DST: variants seen among roughly 807,000 people sequenced by gnomAD.
DST encodes dystonin, also known as bullous pemphigoid antigen.
DST carries 253 observed loss-of-function variants against 875.2 expected under a neutral mutation model. The ratio of observed to expected loss-of-function variants is 0.29; its 90% CI spans 0.26 to 0.32. The LOEUF is 0.32. DST is among the 10% of genes least tolerant of loss of function. The pLI is 1.00. For missense variants in DST, 8,287 were observed against 9,111.6 expected (o/e 0.91, Z 3.68); for synonymous variants, 3,124 against 3,197.1 (o/e 0.98, Z 0.77).
intron 60 of DST, among the ~76,000 whole-genome samples, chr6:56,554,228 G>A (rs2152557701): frequency 6.6e-6 from 1 of 151,606 alleles, no homozygotes; most frequent in South Asian, 2.1e-4. Flanking sequence ...GGGACTACAG[G>A]CACCCGCCAC....
intron 9 of DST, among the ~76,000 whole-genome samples, chr6:56,671,344 C>T (rs897918788): frequency 2.6e-5 from 4 of 152,184 alleles, no homozygotes; most frequent in Non-Finnish European, 4.4e-5. Flanking sequence ...TATACTACCA[C>T]CTGCAGAGCA....
At chr6:56,514,025 C>T (rs1368766036) in intron 72 of DST, among the ~76,000 whole-genome samples, 2 of 152,186 alleles carry the variant, frequency 1.3e-5, no homozygotes, top group Admixed American at 6.5e-5. Flanking sequence ...TTAGTTTAAA[C>T]AATTTGAAGA....
In DST at chr6:56,776,394, A is replaced by G. The variant is rs1289093466; in HGVS notation, c.626-41105T>C. On this transcript the variant is annotated intron_variant, in intron 4 of 103. Transcript: ENST00000680361. ...CAAAAAGGACGTTAGGGAAGAACTA[A>G]TGATACTCATATCAAGTATGGAATT... Among the ~76,000 whole-genome samples, 3 of 152,212 alleles carry G rather than the reference A, an allele frequency of 2.0e-5. No homozygotes were observed. In the East Asian group the frequency reaches 5.8e-4, roughly 29 times the overall value.
At position 56,606,658 on chromosome 6, in the gene DST, ACAT is replaced by A; in HGVS notation, c.7967_7969del (p.Asp2656del). ...ATTCTCTTTTGAGACATCATAAAAAACATCAGCAGGAGAAGCCGTCTCATCATT... is the reference window on the plus strand; with the variant it reads ...ATTCTCTTTTGAGACATCATAAAAAACAGCAGGAGAAGCCGTCTCATCATT... On this transcript the variant is annotated inframe_deletion, in exon 40 of 104. Transcript: ENST00000680361. 1 of 1,613,590 alleles carries A rather than the reference ACAT, an allele frequency of 6.2e-7. No homozygotes were observed. Among genetic ancestry groups the A allele is most frequent in the Admixed American group, 1.7e-5 (1 of 59,962 alleles).
chr6:56,670,133 CGTGTGT>C (rs70989723), intron 10 of DST, among the ~76,000 whole-genome samples: 1,514 of 146,078 alleles, frequency 0.01, 12 homozygotes, highest in South Asian at 0.021. Flanking sequence ...AGCGCCCGTG[CGTGTGT>C]GTGTGTGTGT....
intron 4 of DST, among the ~76,000 whole-genome samples, chr6:56,794,308 TAC>T (rs2099736072): frequency 6.6e-6 from 1 of 152,244 alleles, no homozygotes; most frequent in African/African-American, 2.4e-5. Flanking sequence ...GTTCTGATTA[TAC>T]AGAGTAGATG....
intron 2 of DST, among the ~76,000 whole-genome samples, chr6:56,933,063 C>T (rs906921743): frequency 6.6e-6 from 1 of 151,970 alleles, no homozygotes; most frequent in African/African-American, 2.4e-5. Flanking sequence ...GCATGTAGAC[C>T]TCAGATAGGA....
intron 5 of DST, among the ~76,000 whole-genome samples, chr6:56,722,690 G>C (rs990429300): frequency 6.6e-6 from 1 of 152,084 alleles, no homozygotes; most frequent in South Asian, 2.1e-4. Flanking sequence ...CCTAAAAGTA[G>C]TACATGTTCT....
At chr6:56,643,059 G>C in intron 15 of DST, 3 of 585,780 alleles carry the variant, frequency 5.1e-6, no homozygotes, top group Non-Finnish European at 8.2e-6. Context: ...TATGAACAAA[G>C]CAGGCAGATT....
chr6:56,816,011 T>C (rs1160879272), intron 4 of DST, among the ~76,000 whole-genome samples: 1 of 152,192 alleles, frequency 6.6e-6, no homozygotes, highest in African/African-American at 2.4e-5. Context: ...TTGAGTAATT[T>C]ATCTACTTTT....
chr6:56,605,645 C>G lies in DST; in HGVS notation c.8983G>C (p.Asp2995His), dbSNP rs749971431. The G allele has an allele frequency of 6.2e-7, 1 of 1,612,926 alleles. No individual in the cohort carries two copies. The highest frequency in any genetic ancestry group is 8.5e-7 in the Non-Finnish European group (1 of 1,179,322). The change falls in exon 40 of 104, where the codon GAT (aspartate) becomes CAT (histidine). Residue 2995 changes from aspartate to histidine, a missense_variant. By Grantham distance (81) the Asp-to-His change is moderately conservative. This residue lies in a region of DST where 3,138 missense variants were observed against 3,116.6 expected (regional missense o/e 1.01). Coordinates refer to ENST00000680361, the MANE Select transcript of DST (RefSeq NM_001374736.1). The part of the protein sequence containing the change: ...NMTPKVDSSL[D>H]HIICTEPDLI... Reference sequence around the variant, plus strand: ...TCAGGCTCAGTACAAATGATGTGATCAAGAGATGAGTCAACTTTTGGTGTC... The same window carrying G: ...TCAGGCTCAGTACAAATGATGTGATGAAGAGATGAGTCAACTTTTGGTGTC...
intron 3 of DST, among the ~76,000 whole-genome samples, chr6:56,868,289 G>C (rs76086880): frequency 0.039 from 5,917 of 152,194 alleles, 384 homozygotes; most frequent in African/African-American, 0.13. Context: ...AGCATCTCAG[G>C]TCACTGTTCT....
At chr6:56,938,266 C>T (rs1217581110) in intron 2 of DST, among the ~76,000 whole-genome samples, 1 of 152,062 alleles carries the variant, frequency 6.6e-6, no homozygotes, top group Non-Finnish European at 1.5e-5. Flanking sequence ...TCCTGAGTAA[C>T]TGGGACAACA....
At chr6:56,647,195 T>C (rs1272097200) in intron 13 of DST, among the ~76,000 whole-genome samples, 1 of 152,218 alleles carries the variant, frequency 6.6e-6, no homozygotes, top group African/African-American at 2.4e-5. Context: ...CAGAATGCAA[T>C]GTTTCAGGAC....
intron 2 of DST, among the ~76,000 whole-genome samples, chr6:56,950,083 G>A (rs532552693): frequency 1.3e-5 from 2 of 152,328 alleles, no homozygotes; most frequent in South Asian, 2.1e-4. Context: ...TGGGCTGTGA[G>A]TGACACAATT....
At chr6:56,580,232 A>C (rs1056116914) in intron 49 of DST, among the ~76,000 whole-genome samples, 1 of 152,164 alleles carries the variant, frequency 6.6e-6, no homozygotes, top group Non-Finnish European at 1.5e-5. Flanking sequence ...GTGGCTACCA[A>C]TTGAACAGAG....
At chr6:56,805,266 G>C (rs941766446) in intron 4 of DST, among the ~76,000 whole-genome samples, 2 of 152,078 alleles carry the variant, frequency 1.3e-5, no homozygotes, top group Non-Finnish European at 2.9e-5. Flanking sequence ...CCTTATGACT[G>C]AGTTAGTTTA....
At position 56,645,982 on chromosome 6, in the gene DST, T is replaced by C. The variant is rs749214560; in HGVS notation, c.1662A>G (p.Glu554=). 1 of 1,609,318 alleles carries C rather than the reference T, an allele frequency of 6.2e-7. No homozygotes were observed. Among genetic ancestry groups the C allele is most frequent in the South Asian group, 1.1e-5 (1 of 89,378 alleles). Residue 554 remains glutamate (E), a synonymous_variant, in exon 15 of 104, where the codon GAA becomes GAG. Coordinates refer to ENST00000680361, the MANE Select transcript of DST (RefSeq NM_001374736.1). ...CTTGAAGGAGCTTGATGCGTCCAAA[T>C]TCTATCCAAATCTTGAGAAAACAAA... The part of the protein sequence containing the change: ...RLYKLLEIWI[E]FGRIKLLQGY...
At chr6:56,519,791 G>C (rs1469337797) in intron 69 of DST, among the ~76,000 whole-genome samples, 2 of 152,140 alleles carry the variant, frequency 1.3e-5, no homozygotes. Flanking sequence ...TAAGAGGAAG[G>C]CAGCTAAAAC....
Sources: gnomAD v4.1 joint callset for allele counts (sites outside exome capture counted in the v4.1 genomes callset) on GRCh38, gnomAD v4.1.1 for gene constraint, gnomAD v4.1.1 regional missense constraint, MANE v1.5 for transcripts, NCBI Gene and HGNC (gene_info 2026-07-23, HGNC 2026-07-21) for gene names.